CXCL13: variants seen among roughly 807,000 people sequenced by gnomAD.
CXCL13 encodes C-X-C motif chemokine ligand 13.
In CXCL13, 7 loss-of-function variants were observed where a neutral mutation model predicts 12.2. That is an observed-to-expected ratio of 0.57 (90% CI 0.33 to 1.07). The LOEUF (loss-of-function observed/expected upper bound fraction) is 1.07, where lower values mean the gene tolerates loss of function less well. CXCL13 is among the 50% of genes least tolerant of loss of function. CXCL13 has a pLI of 0.04. For missense variants in CXCL13, 113 were observed against 127.4 expected (o/e 0.89, Z 0.55); for synonymous variants, 47 against 42.4 (o/e 1.11, Z -0.42).
intron 1 of CXCL13, among the ~76,000 whole-genome samples, chr4:77,525,947 T>G (rs1018153724): frequency 4.6e-5 from 7 of 151,666 alleles, no homozygotes; most frequent in Non-Finnish European, 7.4e-5. Flanking sequence ...TTTGCCTTCA[T>G]TTTTAAATCT....
chr4:77,524,106 A>G (rs1260933472), intron 1 of CXCL13, among the ~76,000 whole-genome samples: 1 of 152,070 alleles, frequency 6.6e-6, no homozygotes, highest in Non-Finnish European at 1.5e-5. Context: ...TGGAAGCTTT[A>G]TCCCAGAGGG....
At chr4:77,542,243 A>G (rs1322674375) in intron 1 of CXCL13, among the ~76,000 whole-genome samples, 1 of 152,030 alleles carries the variant, frequency 6.6e-6, no homozygotes. Context: ...TTTTGGAACT[A>G]TGTTGAATAG....
chr4:77,608,559 G>T (rs566669809), intron 2 of CXCL13, among the ~76,000 whole-genome samples: 1 of 152,252 alleles, frequency 6.6e-6, no homozygotes, highest in Admixed American at 6.5e-5. Flanking sequence ...CTTTCTCAGG[G>T]CATCCCTGAC....
chr4:77,520,837 A>C (rs1291042781), intron 1 of CXCL13, among the ~76,000 whole-genome samples: 3 of 152,112 alleles, frequency 2.0e-5, no homozygotes, highest in Non-Finnish European at 4.4e-5. Flanking sequence ...ATTCAGTATG[A>C]TATTGGTTGT....
intron 1 of CXCL13, among the ~76,000 whole-genome samples, chr4:77,533,222 T>A (rs1006082396): frequency 2.0e-5 from 3 of 152,216 alleles, no homozygotes; most frequent in African/African-American, 7.2e-5. Flanking sequence ...GGTGTGGATG[T>A]CCTTTGTGTT....
intron 1 of CXCL13, among the ~76,000 whole-genome samples, chr4:77,548,639 C>T (rs1725434492): frequency 1.3e-5 from 2 of 152,188 alleles, no homozygotes; most frequent in South Asian, 2.1e-4. Context: ...ATAATCTTTT[C>T]GTTAAGAATG....
chr4:77,606,953 T>G (rs1469179589), intron 1 of CXCL13, among the ~76,000 whole-genome samples: 1 of 152,242 alleles, frequency 6.6e-6, no homozygotes, highest in Non-Finnish European at 1.5e-5. Context: ...TAATTGCTTT[T>G]GTTAAATAAA....
chr4:77,544,358 C>A (rs545696631), intron 1 of CXCL13, among the ~76,000 whole-genome samples: 1 of 152,178 alleles, frequency 6.6e-6, no homozygotes, highest in Non-Finnish European at 1.5e-5. Flanking sequence ...TTTAGACTCC[C>A]ACCAACAGTG....
chr4:77,533,815 G>A (rs555768071), intron 1 of CXCL13, among the ~76,000 whole-genome samples: 1 of 152,302 alleles, frequency 6.6e-6, no homozygotes, highest in East Asian at 1.9e-4. Context: ...GGGCCCATGG[G>A]CATAGGACCC....
chr4:77,608,442 A>C (rs1433453865), intron 2 of CXCL13, among the ~76,000 whole-genome samples: 1 of 127,784 alleles, frequency 7.8e-6, no homozygotes, highest in Non-Finnish European at 1.5e-5. Flanking sequence ...CTCCATCTCA[A>C]AAAAAAAAAA....
At chr4:77,568,531 A>G (rs902697966) in intron 1 of CXCL13, among the ~76,000 whole-genome samples, 10 of 152,166 alleles carry the variant, frequency 6.6e-5, no homozygotes, top group African/African-American at 2.4e-4. Context: ...CAATTGTTTA[A>G]GGAAGGATGC....
intron 1 of CXCL13, among the ~76,000 whole-genome samples, chr4:77,518,278 G>A (rs1724479483): frequency 6.6e-6 from 1 of 152,136 alleles, no homozygotes; most frequent in Non-Finnish European, 1.5e-5. Context: ...GTGTCTTGGA[G>A]TTGCTGTTCT....
chr4:77,593,036 C>G (rs1726653767), intron 1 of CXCL13, among the ~76,000 whole-genome samples: 1 of 152,170 alleles, frequency 6.6e-6, no homozygotes, highest in South Asian at 2.1e-4. Context: ...TCTCTTTCCT[C>G]TCTTTGTACT....
At chr4:77,524,770 T>A (rs1167963078) in intron 1 of CXCL13, among the ~76,000 whole-genome samples, 1 of 152,114 alleles carries the variant, frequency 6.6e-6, no homozygotes, top group African/African-American at 2.4e-5. Context: ...GGTACCTCAG[T>A]TGGAAATGCA....
intron 1 of CXCL13, among the ~76,000 whole-genome samples, chr4:77,528,596 A>G (rs1202380756): frequency 6.6e-6 from 1 of 152,158 alleles, no homozygotes; most frequent in Non-Finnish European, 1.5e-5. Flanking sequence ...GTGTCTGTTC[A>G]CATCCTTCGC....
intron 1 of CXCL13, among the ~76,000 whole-genome samples, chr4:77,595,526 T>C (rs1726730255): frequency 6.6e-6 from 1 of 152,202 alleles, no homozygotes; most frequent in South Asian, 2.1e-4. Flanking sequence ...GAAGATCAAA[T>C]AAGCCTTTCT....
upstream of CXCL13, among the ~76,000 whole-genome samples, chr4:77,601,582 A>G (rs1041646722): frequency 1.2e-4 from 19 of 152,226 alleles, no homozygotes; most frequent in African/African-American, 4.6e-4. Flanking sequence ...CATAATCTCA[A>G]AGTATCACCT....
intron 1 of CXCL13, among the ~76,000 whole-genome samples, chr4:77,533,254 T>C (rs1724975868): frequency 6.6e-6 from 1 of 152,202 alleles, no homozygotes; most frequent in Non-Finnish European, 1.5e-5. Flanking sequence ...CTTCTAACAG[T>C]CAGGACCCTC....
chr4:77,542,839 C>T (rs577500001), intron 1 of CXCL13, among the ~76,000 whole-genome samples: 6 of 152,042 alleles, frequency 3.9e-5, no homozygotes, highest in African/African-American at 1.4e-4. Context: ...CTTTGTTGTG[C>T]CTTTGCCAGG....
Sources: allele counts gnomAD v4.1 joint callset (sites outside exome capture counted in the v4.1 genomes callset), GRCh38; gene constraint gnomAD v4.1.1; transcripts MANE v1.5; gene names NCBI Gene and HGNC (gene_info 2026-07-23, HGNC 2026-07-21).